Variants in CDC14B observed in about 807,000 individuals in gnomAD.
The protein encoded by CDC14B is cell division cycle 14B.
A neutral mutation model predicts 64.2 loss-of-function variants in CDC14B; 22 were observed. That is an observed-to-expected ratio of 0.34 (90% CI 0.24 to 0.49). The LOEUF is 0.49. Among genes scored for constraint, CDC14B ranks in the 20% least tolerant of loss-of-function variants. The pLI is 0.99. For synonymous variants in CDC14B, 191 were observed against 215.8 expected, an observed-to-expected ratio of 0.89 and a Z score of 1.01; for missense variants, 498 against 629.9, an observed-to-expected ratio of 0.79 and a Z score of 2.24.
chr9:96,609,825 C>T (rs1847193398), intron 1 of CDC14B, among the ~76,000 whole-genome samples: 1 of 152,072 alleles, frequency 6.6e-6, no homozygotes, highest in Non-Finnish European at 1.5e-5. Context: ...AGTACACTGC[C>T]AACCAAATTT....
chr9:96,551,738 A>G, intron 5 of CDC14B, 58 bp downstream of exon 5: 1 of 1,582,286 alleles, frequency 6.3e-7, no homozygotes, highest in East Asian at 2.2e-5. Context: ...AACAACTATC[A>G]AGATATTTCT....
intron 1 of CDC14B, among the ~76,000 whole-genome samples, chr9:96,600,833 A>G (rs1846389095): frequency 6.6e-6 from 1 of 152,112 alleles, no homozygotes; most frequent in African/African-American, 2.4e-5. Context: ...TATAAACTAT[A>G]ACAGCAATCC....
chr9:96,527,962 G>C (rs2131619533), intron 9 of CDC14B, among the ~76,000 whole-genome samples: 1 of 152,136 alleles, frequency 6.6e-6, no homozygotes, highest in East Asian at 1.9e-4. Flanking sequence ...CCTCCCCTCA[G>C]GCCCTGGCAA....
intron 9 of CDC14B, among the ~76,000 whole-genome samples, chr9:96,531,593 G>C (rs970207648): frequency 6.6e-6 from 1 of 151,752 alleles, no homozygotes; most frequent in African/African-American, 2.4e-5. Context: ...CCTTGGTTTT[G>C]TTCATTTTCT....
intron 9 of CDC14B, among the ~76,000 whole-genome samples, chr9:96,524,367 G>A (rs550618569): frequency 6.6e-6 from 1 of 152,334 alleles, no homozygotes; most frequent in East Asian, 1.9e-4. Context: ...TTCTCAGTAA[G>A]TGCAGTGTCT....
chr9:96,569,820 CT>C (rs1453150596), intron 1 of CDC14B, among the ~76,000 whole-genome samples: 4 of 152,120 alleles, frequency 2.6e-5, no homozygotes, highest in African/African-American at 9.7e-5. Context: ...AACTCCTGAC[CT>C]CAAGTGATCC....
intron 1 of CDC14B, among the ~76,000 whole-genome samples, chr9:96,585,127 T>C (rs1461788063): frequency 6.6e-6 from 1 of 152,188 alleles, no homozygotes; most frequent in Non-Finnish European, 1.5e-5. Flanking sequence ...AGAAAACAAC[T>C]TCTCAGAGAG....
At chr9:96,573,442 G>A (rs1844591090) in intron 1 of CDC14B, among the ~76,000 whole-genome samples, 1 of 151,844 alleles carries the variant, frequency 6.6e-6, no homozygotes, top group South Asian at 2.1e-4. Flanking sequence ...CTTGTAATAA[G>A]CAATTACGAA....
intron 1 of CDC14B, among the ~76,000 whole-genome samples, chr9:96,576,995 G>A (rs895581588): frequency 1.3e-5 from 2 of 152,274 alleles, no homozygotes; most frequent in East Asian, 1.9e-4. Flanking sequence ...GCTCACGCTT[G>A]TAATCCCAAC....
At chr9:96,573,761 T>C (rs1041934165) in intron 1 of CDC14B, among the ~76,000 whole-genome samples, 3 of 152,154 alleles carry the variant, frequency 2.0e-5, no homozygotes, top group Non-Finnish European at 4.4e-5. Context: ...ATTTACATGT[T>C]ACATGTAATA....
intron 1 of CDC14B, among the ~76,000 whole-genome samples, chr9:96,577,230 G>C (rs998051048): frequency 1.4e-4 from 20 of 145,684 alleles, no homozygotes; most frequent in African/African-American, 5.2e-4. Flanking sequence ...CAGCCTGGGT[G>C]ACAGAGCGAG....
intron 13 of CDC14B, among the ~76,000 whole-genome samples, chr9:96,494,812 G>C (rs974750325): frequency 1.1e-5 from 1 of 92,778 alleles, no homozygotes; most frequent in African/African-American, 4.5e-5. Context: ...GTCTCGTCCC[G>C]TCCCATCCCG....
At chr9:96,498,031 G>A (rs1304058249), downstream of CDC14B, among the ~76,000 whole-genome samples, 1 of 152,152 alleles carries the variant, frequency 6.6e-6, no homozygotes, top group Non-Finnish European at 1.5e-5. Flanking sequence ...AGCCAGCACC[G>A]CCCAGGAAGA....
At chr9:96,495,039 T>G (rs1012728455) in intron 13 of CDC14B, among the ~76,000 whole-genome samples, 1 of 151,784 alleles carries the variant, frequency 6.6e-6, no homozygotes, top group Non-Finnish European at 1.5e-5. Flanking sequence ...TTTCACCGTG[T>G]TAGCCAGGAT....
intron 5 of CDC14B, among the ~76,000 whole-genome samples, chr9:96,542,944 G>A (rs1334012083): frequency 2.0e-5 from 3 of 152,064 alleles, no homozygotes; most frequent in Admixed American, 6.6e-5. Context: ...AGAGATGGAG[G>A]TTGCAGTGAG....
intron 4 of CDC14B, among the ~76,000 whole-genome samples, chr9:96,554,529 GAAC>G (rs1467305017): frequency 6.6e-6 from 1 of 152,056 alleles, no homozygotes; most frequent in Non-Finnish European, 1.5e-5. Context: ...AAAACCACAA[GAAC>G]AATGTAACAT....
intron 1 of CDC14B, among the ~76,000 whole-genome samples, chr9:96,589,276 C>A (rs1482471615): frequency 6.6e-6 from 1 of 151,382 alleles, no homozygotes; most frequent in Non-Finnish European, 1.5e-5. Context: ...GAGGTACAGG[C>A]TGCAGTGAGC....
intron 11 of CDC14B, 146 bp downstream of exon 11, chr9:96,523,115 G>A (rs1156665645): frequency 1.2e-6 from 1 of 816,344 alleles, no homozygotes; most frequent in Non-Finnish European, 1.9e-6. Context: ...TGGGTAAAAA[G>A]TGCCTAGAGA....
chr9:96,528,237 G>A (rs1453872753), intron 9 of CDC14B, among the ~76,000 whole-genome samples: 1 of 152,124 alleles, frequency 6.6e-6, no homozygotes, highest in Admixed American at 6.6e-5. Flanking sequence ...GAGTAATGCT[G>A]CTGGCCGGGC....
Sources: allele counts gnomAD v4.1 joint callset (sites outside exome capture counted in the v4.1 genomes callset), GRCh38; gene constraint gnomAD v4.1.1; transcripts MANE v1.5; gene names NCBI Gene and HGNC (gene_info 2026-07-23, HGNC 2026-07-21).